EIF4G3: variants seen among roughly 807,000 people sequenced by gnomAD.
EIF4G3 encodes eIF-4-gamma 3.
A neutral mutation model predicts 186.4 loss-of-function variants in EIF4G3; 34 were observed. That is an observed-to-expected ratio of 0.18 (90% CI 0.14 to 0.24). The LOEUF (loss-of-function observed/expected upper bound fraction) is 0.24. Among genes scored for constraint, EIF4G3 ranks in the 10% least tolerant of loss-of-function variants. The pLI is 1.00. For synonymous variants in EIF4G3, 673 were observed against 679.5 expected (o/e 0.99, Z 0.15); for missense variants, 1,536 against 1,948.5 (o/e 0.79, Z 3.99).
chr1:21,008,336 CT>C (rs75927401), intron 4 of EIF4G3, among the ~76,000 whole-genome samples: 55,582 of 149,474 alleles, frequency 0.37, 10,804 homozygotes, highest in Non-Finnish European at 0.43. Flanking sequence ...TTATTTTAAT[CT>C]TTTTTTTTTT....
At chr1:20,976,535 T>C (rs1329949765) in intron 10 of EIF4G3, among the ~76,000 whole-genome samples, 1 of 152,234 alleles carries the variant, frequency 6.6e-6, no homozygotes, top group Non-Finnish European at 1.5e-5. Context: ...CTACTTTTTA[T>C]TCATTTTACT....
intron 2 of EIF4G3, among the ~76,000 whole-genome samples, chr1:21,155,952 C>T (rs941289043): frequency 3.9e-5 from 6 of 151,908 alleles, no homozygotes; most frequent in African/African-American, 1.5e-4. Context: ...CATGGTGAAA[C>T]CCCATCTCTA....
At chr1:21,044,366 A>T (rs1361486917) in intron 4 of EIF4G3, among the ~76,000 whole-genome samples, 4 of 152,214 alleles carry the variant, frequency 2.6e-5, no homozygotes, top group Non-Finnish European at 4.4e-5. Flanking sequence ...TGGTAAGCTC[A>T]AATACTGCCT....
chr1:20,981,694 ACGCACATAC>A lies in EIF4G3; in HGVS notation c.199-476_199-468del, dbSNP rs2078258639. 3.7e-5 allele frequency among the ~76,000 whole-genome samples: 5 copies of A among 133,970 alleles called. 1 individual carries two copies. Among genetic ancestry groups the A allele is most frequent in the African/African-American group, 1.4e-4 (5 of 36,538 alleles). 87.9% of individuals were successfully genotyped at this position (133,970 alleles called of 152,430 possible). On this transcript the variant is annotated intron_variant, in intron 8 of 36. Coordinates refer to ENST00000602326, the MANE Select transcript of EIF4G3 (RefSeq NM_001391906.1). Reference sequence around the variant, plus strand: ...ATACTGTATGTATACATACATGTATACGCACATACTGTATGTATACATACATGTATACGC... The same window carrying A: ...ATACTGTATGTATACATACATGTATATGTATGTATACATACATGTATACGC...
intron 2 of EIF4G3, among the ~76,000 whole-genome samples, chr1:21,091,498 G>A (rs527580917): frequency 9.9e-5 from 15 of 151,822 alleles, no homozygotes; most frequent in Non-Finnish European, 1.3e-4. Context: ...TGAACCACAC[G>A]AATATGTTTT....
intron 16 of EIF4G3, among the ~76,000 whole-genome samples, chr1:20,898,046 C>T (rs956468387): frequency 2.4e-4 from 37 of 152,146 alleles, no homozygotes; most frequent in Non-Finnish European, 3.2e-4. Flanking sequence ...TGGTACAAGC[C>T]TAGATCTTTT....
rs139708165 is a variant in EIF4G3, at chr1:21,144,138, C to T, written c.-272+32037G>A. 2.0e-5 allele frequency among the ~76,000 whole-genome samples: 3 copies of T among 152,264 alleles called. No individual in the cohort carries two copies. In the East Asian group the frequency reaches 5.8e-4, roughly 29 times the overall value. On this transcript the variant is annotated intron_variant, in intron 2 of 36. Transcript: ENST00000602326. ...CAAGCAATGTCATGTTTTAAGAGAGCTCTGATAGTCCAAATAGAGCTCCAA... is the reference window on the plus strand; with the variant it reads ...CAAGCAATGTCATGTTTTAAGAGAGTTCTGATAGTCCAAATAGAGCTCCAA...
chr1:20,811,168 T>C (rs1280527319), intron 35 of EIF4G3, among the ~76,000 whole-genome samples: 1 of 151,684 alleles, frequency 6.6e-6, no homozygotes, highest in East Asian at 1.9e-4. Flanking sequence ...TGGTCAGACT[T>C]GTCTCGAACT....
chr1:20,862,887 G>A (rs890451162), intron 22 of EIF4G3, among the ~76,000 whole-genome samples: 2 of 152,072 alleles, frequency 1.3e-5, no homozygotes, highest in African/African-American at 4.8e-5. Flanking sequence ...TGATCCTCCT[G>A]CCTCAGCTTC....
chr1:21,119,142 T>C (rs968477350), intron 2 of EIF4G3, among the ~76,000 whole-genome samples: 2 of 152,116 alleles, frequency 1.3e-5, no homozygotes, highest in African/African-American at 4.8e-5. Flanking sequence ...AAATGCATTT[T>C]AATAATTAAA....
intron 10 of EIF4G3, among the ~76,000 whole-genome samples, chr1:20,974,838 G>C (rs989355602): frequency 1.3e-5 from 2 of 152,134 alleles, no homozygotes; most frequent in African/African-American, 4.8e-5. Context: ...ACACATAAAA[G>C]ATTGGCTTTC....
At chr1:21,024,409 A>T (rs2154571229) in intron 4 of EIF4G3, among the ~76,000 whole-genome samples, 1 of 152,302 alleles carries the variant, frequency 6.6e-6, no homozygotes, top group East Asian at 1.9e-4. Flanking sequence ...GCTCATTGAG[A>T]ATGGGCCAGG....
chr1:20,816,968 C>T (rs369768150), intron 34 of EIF4G3, among the ~76,000 whole-genome samples: 47 of 145,268 alleles, frequency 3.2e-4, no homozygotes, highest in Non-Finnish European at 5.1e-4. Flanking sequence ...CTCTGAAACA[C>T]GTGCTGTGTC....
intron 19 of EIF4G3, among the ~76,000 whole-genome samples, chr1:20,882,344 G>A (rs574943319): frequency 2.6e-5 from 4 of 152,134 alleles, no homozygotes; most frequent in South Asian, 4.2e-4. Flanking sequence ...TTAGGCCCAG[G>A]AGCAGTGGCT....
rs534364543 is a variant in EIF4G3 at position 21,148,505 on chromosome 1, A to G, written c.-272+27670T>C. Reference sequence around the variant, plus strand: ...ATCACGAGGTCAGGAGATCGAGACCATCCTGACTAACACGGTGAAACCCCA... The same window carrying G: ...ATCACGAGGTCAGGAGATCGAGACCGTCCTGACTAACACGGTGAAACCCCA... On this transcript the variant is annotated intron_variant, in intron 2 of 36. Coordinates refer to ENST00000602326, the MANE Select transcript of EIF4G3 (RefSeq NM_001391906.1). Among the ~76,000 whole-genome samples, 269 of 152,210 alleles carry G rather than the reference A, an allele frequency of 1.8e-3. 1 individual carries two copies. The highest frequency in any genetic ancestry group is 6.0e-3 in the African/African-American group (251 of 41,564).
At chr1:20,971,377 T>C (rs1290750549) in intron 11 of EIF4G3, among the ~76,000 whole-genome samples, 1 of 152,244 alleles carries the variant, frequency 6.6e-6, no homozygotes, top group Non-Finnish European at 1.5e-5. Context: ...ATAGCTTTAA[T>C]TCATTTATTC....
chr1:20,850,148 G>T (rs946192411), intron 28 of EIF4G3, among the ~76,000 whole-genome samples: 2 of 152,064 alleles, frequency 1.3e-5, no homozygotes, highest in African/African-American at 4.8e-5. Context: ...GTCTTTCGTG[G>T]AATTACTAAA....
At chr1:20,877,769 G>C (rs1257175947) in intron 20 of EIF4G3, among the ~76,000 whole-genome samples, 1 of 152,146 alleles carries the variant, frequency 6.6e-6, no homozygotes, top group Non-Finnish European at 1.5e-5. Flanking sequence ...AAAAACAGGG[G>C]CTTAAAGAGA....
chr1:21,056,679 T>G (rs1046220941), intron 3 of EIF4G3, among the ~76,000 whole-genome samples: 2 of 152,234 alleles, frequency 1.3e-5, no homozygotes, highest in Non-Finnish European at 2.9e-5. Context: ...CTGTTCAATT[T>G]CAGGTCATAC....
Sources: gnomAD v4.1 joint callset for allele counts (sites outside exome capture counted in the v4.1 genomes callset) on GRCh38, gnomAD v4.1.1 for gene constraint, MANE v1.5 for transcripts, NCBI Gene and HGNC (gene_info 2026-07-23, HGNC 2026-07-21) for gene names.